The following DCUN1D4 variants were observed in gnomAD, a reference collection of about 807,000 sequenced individuals.
DCUN1D4 encodes the protein defective in cullin neddylation 1 domain containing 4, also known as DCN1-like protein 4.
In DCUN1D4, 22 loss-of-function variants were observed where a neutral mutation model predicts 47.9. That is an observed-to-expected ratio of 0.46 (90% CI 0.33 to 0.66). The LOEUF (loss-of-function observed/expected upper bound fraction) is 0.66. DCUN1D4 is among the 30% of genes least tolerant of loss of function. The probability of loss-of-function intolerance (pLI) is 0.02; values close to 1 mark genes in which losing one functional copy is unlikely to be tolerated. For missense variants in DCUN1D4, 301 were observed against 340.8 expected, an observed-to-expected ratio of 0.88 and a Z score of 0.92; for synonymous variants, 121 against 112.2, an observed-to-expected ratio of 1.08 and a Z score of -0.50.
chr4:51,844,883 C>T (rs1032672082), intron 1 of DCUN1D4: 18 of 985,262 alleles, frequency 1.8e-5, no homozygotes, highest in South Asian at 9.4e-5. Context: ...CCTTCCTGCT[C>T]GGCCAACTCG....
chr4:51,910,885 T>C (rs1055083184), intron 8 of DCUN1D4, 185 bp from the exon 9 acceptor site: 1 of 586,904 alleles, frequency 1.7e-6, no homozygotes, highest in East Asian at 3.0e-5. Flanking sequence ...AATATCGTAA[T>C]GCCCAAGCCT....
intron 3 of DCUN1D4, among the ~76,000 whole-genome samples, chr4:51,871,946 C>T (rs574717673): frequency 3.3e-5 from 5 of 152,308 alleles, no homozygotes; most frequent in Admixed American, 2.6e-4. Context: ...TTCTCTTCCA[C>T]ACCCTGCTGG....
chr4:51,843,483 G>A, intron 1 of DCUN1D4: 4 of 1,273,046 alleles, frequency 3.1e-6, no homozygotes, highest in Non-Finnish European at 4.0e-6. Context: ...CGGCCTGCGG[G>A]GAGGGCGGAG....
At chr4:51,903,702 C>T (rs932437724) in intron 8 of DCUN1D4, among the ~76,000 whole-genome samples, 6 of 152,096 alleles carry the variant, frequency 3.9e-5, no homozygotes, top group African/African-American at 1.4e-4. Context: ...TTCTGTGTCT[C>T]ATTTTTAATC....
chr4:51,894,410 T>C (rs1469310037), intron 7 of DCUN1D4, among the ~76,000 whole-genome samples: 1 of 150,856 alleles, frequency 6.6e-6, no homozygotes, highest in Non-Finnish European at 1.5e-5. Flanking sequence ...TCTAGATTAG[T>C]CATTTGTTTG....
chr4:51,886,495 TATA>T, intron 5 of DCUN1D4, 70 bp from the exon 6 acceptor site: 5 of 1,343,666 alleles, frequency 3.7e-6, no homozygotes, highest in Non-Finnish European at 5.2e-6. Flanking sequence ...TTGTTGACAG[TATA>T]ATACTACTAC....
At chr4:51,908,053 G>A (rs1423395643) in intron 8 of DCUN1D4, among the ~76,000 whole-genome samples, 1 of 152,136 alleles carries the variant, frequency 6.6e-6, no homozygotes, top group Non-Finnish European at 1.5e-5. Flanking sequence ...TTAGCTTATG[G>A]AGTATATTTA....
Position 51,843,153 on chromosome 4 carries a change from A to C in DCUN1D4, c.-90A>C, listed in dbSNP as rs994316595. On this transcript the variant is annotated 5_prime_UTR_variant, in exon 1 of 11. Coordinates refer to ENST00000334635, the MANE Select transcript of DCUN1D4 (RefSeq NM_001040402.3). ...TGGGAGTGCCCGGCGGCGGGTCCTC[A>C]GCTTCGAGCCGAGGTGCAGTGAGCT... The C allele has an allele frequency of 1.2e-5, 18 of 1,516,506 alleles. No homozygotes were observed. In the Admixed American group the frequency reaches 1.2e-4, roughly 10 times the overall value. The allele number at this position is 1,516,506 out of a possible 1,614,324, so 93.9% of individuals were successfully genotyped here. A position where few individuals can be genotyped will look rare whatever the true frequency, so the allele number is the denominator to read the frequency against.
chr4:51,838,408 G>T (rs951224260), upstream of DCUN1D4, among the ~76,000 whole-genome samples: 3 of 151,976 alleles, frequency 2.0e-5, no homozygotes, highest in African/African-American at 7.3e-5. Context: ...TTGAGGCAGG[G>T]TCTCATTCTG....
At chr4:51,868,774 T>C (rs1489452633) in intron 3 of DCUN1D4, among the ~76,000 whole-genome samples, 2 of 152,132 alleles carry the variant, frequency 1.3e-5, no homozygotes, top group Non-Finnish European at 2.9e-5. Context: ...AAAGAGAGAA[T>C]GAATTAGTGG....
At chr4:51,864,450 C>A (rs1024061202) in intron 3 of DCUN1D4, among the ~76,000 whole-genome samples, 1 of 152,150 alleles carries the variant, frequency 6.6e-6, no homozygotes, top group African/African-American at 2.4e-5. Flanking sequence ...TAGTAATAGA[C>A]GAATTGAAAT....
At chr4:51,847,087 A>C (rs1722664054) in intron 1 of DCUN1D4, among the ~76,000 whole-genome samples, 1 of 152,214 alleles carries the variant, frequency 6.6e-6, no homozygotes, top group Admixed American at 6.5e-5. Context: ...GGCATTTACC[A>C]GCATCTCTTG....
chr4:51,906,673 T>A (rs545059629), intron 8 of DCUN1D4, among the ~76,000 whole-genome samples: 1 of 152,340 alleles, frequency 6.6e-6, no homozygotes. Flanking sequence ...GATGGAGTCA[T>A]CTAAGCCCGG....
intron 3 of DCUN1D4, among the ~76,000 whole-genome samples, chr4:51,867,639 C>T (rs1726170673): frequency 1.3e-5 from 2 of 152,164 alleles, no homozygotes; most frequent in African/African-American, 4.8e-5. Flanking sequence ...CTGTCCTCTG[C>T]CTGAGTCTGG....
At chr4:51,867,691 A>G (rs1333473167) in intron 3 of DCUN1D4, among the ~76,000 whole-genome samples, 1 of 152,176 alleles carries the variant, frequency 6.6e-6, no homozygotes, top group African/African-American at 2.4e-5. Flanking sequence ...GGGAGAAAGC[A>G]CGTGCTGATT....
intron 1 of DCUN1D4, among the ~76,000 whole-genome samples, chr4:51,856,493 T>TG (rs1466381866): frequency 3.9e-5 from 6 of 152,348 alleles, no homozygotes; most frequent in African/African-American, 1.4e-4. Context: ...TTTAAGTGTG[T>TG]GGTTGCTTGT....
rs559659451 is a variant in DCUN1D4, at chr4:51,906,162, G to T, written c.616-4908G>T. ...TTACTGAGAGGTAATCTTGTGGCAG[G>T]TTAGAGAGCAAGTCTGTCAGCCCCT... On this transcript the variant is annotated intron_variant, in intron 8 of 10. Transcript: ENST00000334635. 9.9e-5 allele frequency among the ~76,000 whole-genome samples: 15 copies of T among 152,238 alleles called. No homozygotes were observed. In the East Asian group the frequency reaches 2.9e-3, roughly 29 times the overall value.
chr4:51,855,438 T>G (rs974304580), intron 1 of DCUN1D4, among the ~76,000 whole-genome samples: 3 of 152,132 alleles, frequency 2.0e-5, no homozygotes, highest in African/African-American at 7.2e-5. Flanking sequence ...AAAATCTAAA[T>G]CCACTGGGAG....
At chr4:51,863,873 G>T (rs1473330329) in intron 3 of DCUN1D4, among the ~76,000 whole-genome samples, 164 bp downstream of exon 3, 1 of 152,178 alleles carries the variant, frequency 6.6e-6, no homozygotes, top group African/African-American at 2.4e-5. Flanking sequence ...CCATGTTATA[G>T]CTTCTTCCCA....
Sources: gnomAD v4.1 joint callset for allele counts (sites outside exome capture counted in the v4.1 genomes callset) on GRCh38, gnomAD v4.1.1 for gene constraint, MANE v1.5 for transcripts, NCBI Gene and HGNC (gene_info 2026-07-23, HGNC 2026-07-21) for gene names.